Variants in TPP2 observed in about 807,000 individuals in gnomAD.
TPP2 encodes tripeptidyl-peptidase 2.
A neutral mutation model predicts 155.9 loss-of-function variants in TPP2; 34 were observed. That is an observed-to-expected ratio of 0.22 (90% CI 0.17 to 0.29). The LOEUF is 0.29. Among genes scored for constraint, TPP2 ranks in the 10% least tolerant of loss-of-function variants. The pLI, the probability that TPP2 is intolerant of heterozygous loss-of-function variation, is 1.00. For missense variants in TPP2, 1,028 were observed against 1,522.3 expected, an observed-to-expected ratio of 0.68 and a Z score of 5.40; for synonymous variants, 510 against 529.4, an observed-to-expected ratio of 0.96 and a Z score of 0.50.
At chr13:102,637,321 A>G (rs2139509528) in intron 14 of TPP2, 82 bp downstream of exon 14, 3 of 1,443,976 alleles carry the variant, frequency 2.1e-6, no homozygotes, top group South Asian at 1.3e-5. Context: ...TATATTTGCA[A>G]TATATTGCTT....
rs544631059 is a variant in TPP2 at position 102,673,917 on chromosome 13, A to T, written c.3372-366A>T. Among the ~76,000 whole-genome samples, 47 of 152,356 alleles carry T rather than the reference A, an allele frequency of 3.1e-4. 1 individual carries two copies. In the South Asian group the frequency reaches 9.5e-3, roughly 31 times the overall value. On this transcript the variant is annotated intron_variant, in intron 27 of 29. Transcript: ENST00000376052. ...AACCTCTGGGTATACACATAGACAA[A>T]TGTGTAATGATTACTATTTATAAGA...
chr13:102,631,043 G>A (rs1424528618), intron 10 of TPP2, among the ~76,000 whole-genome samples: 1 of 152,166 alleles, frequency 6.6e-6, no homozygotes, highest in Non-Finnish European at 1.5e-5. Context: ...TTAAAGGATG[G>A]ATAGGATGTT....
intron 24 of TPP2, among the ~76,000 whole-genome samples, chr13:102,652,397 CATATATATATATATATAT>C (rs10530428): frequency 1.3e-3 from 163 of 125,512 alleles, no homozygotes; most frequent in East Asian, 3.0e-3. Flanking sequence ...AACATACATA[CATATATATATATATATAT>C]ATATATATAT....
intron 2 of TPP2, chr13:102,607,797 G>C (rs925798358): frequency 6.7e-6 from 2 of 299,516 alleles, no homozygotes; most frequent in Admixed American, 7.0e-5. Flanking sequence ...TGCCATGTTG[G>C]CCAGGCTGGT....
rs751355256 is a variant in TPP2, at chr13:102,657,032, A to T, written c.2992-24A>T. The T allele has an allele frequency of 1.5e-5, 24 of 1,571,752 alleles. No individual in the cohort carries two copies. In the South Asian group the frequency reaches 2.5e-4, roughly 17 times the overall value. Reference sequence around the variant, plus strand: ...TATGTAAAATTAAGCATATTAATCTAAGAATCTCTCTCCACATTCGTAGGA... The same window carrying T: ...TATGTAAAATTAAGCATATTAATCTTAGAATCTCTCTCCACATTCGTAGGA... On this transcript the variant is annotated intron_variant, in intron 24 of 29. Coordinates refer to ENST00000376052, the MANE Select transcript of TPP2 (RefSeq NM_001330588.2).
At chr13:102,611,397 C>T (rs889051546) in intron 2 of TPP2, among the ~76,000 whole-genome samples, 31 of 152,234 alleles carry the variant, frequency 2.0e-4, no homozygotes, top group Non-Finnish European at 3.7e-4. Flanking sequence ...ATTTCCAGGC[C>T]GGGCACGGTG....
chr13:102,639,113 G>A (rs950497329), intron 15 of TPP2, among the ~76,000 whole-genome samples: 5 of 152,254 alleles, frequency 3.3e-5, no homozygotes, highest in Admixed American at 1.3e-4. Context: ...CACATTTTAC[G>A]TGCCCCTGGA....
At chr13:102,604,442 A>G (rs1007543829) in intron 1 of TPP2, among the ~76,000 whole-genome samples, 2 of 151,556 alleles carry the variant, frequency 1.3e-5, no homozygotes, top group Non-Finnish European at 2.9e-5. Flanking sequence ...CATGTTCTTT[A>G]TTTTACTTTG....
intron 27 of TPP2, 95 bp downstream of exon 27, chr13:102,665,020 G>A (rs1884497453): frequency 7.0e-7 from 1 of 1,435,006 alleles, no homozygotes. Context: ...TTGCTTTTCT[G>A]ATGTTTGTTA....
chr13:102,673,752 A>G (rs574177900), intron 27 of TPP2, among the ~76,000 whole-genome samples: 2 of 152,358 alleles, frequency 1.3e-5, no homozygotes, highest in South Asian at 4.1e-4. Context: ...GCAACATGGC[A>G]GTAATTAATA....
At chr13:102,631,520 T>C (rs1161941919) in intron 10 of TPP2, 4 of 152,258 alleles carry the variant, frequency 2.6e-5, no homozygotes, top group Non-Finnish European at 4.4e-5. Flanking sequence ...ATTAAACTTA[T>C]TCTCTTCTAA....
At chr13:102,650,784 A>G (rs1290873183) in intron 23 of TPP2, among the ~76,000 whole-genome samples, 5 of 152,214 alleles carry the variant, frequency 3.3e-5, no homozygotes, top group Admixed American at 3.3e-4. Context: ...CAATTGTGAA[A>G]TTAAATTATA....
chr13:102,639,847 C>G (rs1214919605), intron 15 of TPP2, among the ~76,000 whole-genome samples: 1 of 152,148 alleles, frequency 6.6e-6, no homozygotes, highest in African/African-American at 2.4e-5. Flanking sequence ...TGTTTTGAAG[C>G]TACAGGAGGA....
At chr13:102,644,306 G>C (rs1882956191) in intron 17 of TPP2, among the ~76,000 whole-genome samples, 1 of 152,104 alleles carries the variant, frequency 6.6e-6, no homozygotes, top group Admixed American at 6.5e-5. Context: ...TGTGCTTTCA[G>C]AAGCTGCCTA....
In TPP2 at chr13:102,663,064, A is replaced by G. The variant is rs189324355; in HGVS notation, c.3144-584A>G. ...TGGTATGTAAGAAAGCTATTGATGC[A>G]TATTTTTATTTGGATATCTTATTGA... On this transcript the variant is annotated intron_variant, in intron 25 of 29. Coordinates refer to ENST00000376052, the MANE Select transcript of TPP2 (RefSeq NM_001330588.2). Among the ~76,000 whole-genome samples the G allele has an allele frequency of 2.4e-3, 362 of 152,014 alleles. 3 individuals are homozygous for G. The highest frequency in any genetic ancestry group is 8.0e-3 in the African/African-American group (334 of 41,516).
intron 8 of TPP2, among the ~76,000 whole-genome samples, chr13:102,628,900 C>A (rs551877990): frequency 6.6e-5 from 10 of 152,288 alleles, no homozygotes; most frequent in African/African-American, 1.9e-4. Flanking sequence ...CTCACACTTA[C>A]AACTTTGAAG....
At chr13:102,618,657 G>A (rs1880927150) in intron 4 of TPP2, 65 bp from the exon 5 acceptor site, 1 of 1,561,046 alleles carries the variant, frequency 6.4e-7, no homozygotes, top group African/African-American at 1.4e-5. Context: ...ATCTTTGGCT[G>A]TATGTTAATA....
chr13:102,636,317 C>T lies in TPP2; in HGVS notation c.1603C>T (p.Leu535Phe). The part of the protein sequence containing the change: ...VTVGNNRGIY[L>F]RDPVQVAAPS... Reference sequence around the variant, plus strand: ...TGTTGGAAATAACCGTGGCATCTACCTCCGAGATCCTGTTCAGGTGGCTGC... The same window carrying T: ...TGTTGGAAATAACCGTGGCATCTACTTCCGAGATCCTGTTCAGGTGGCTGC... The change falls in exon 13 of 30, where the codon CTC becomes TTC. Residue 535 changes from leucine to phenylalanine, a missense_variant. Coordinates refer to ENST00000376052, the MANE Select transcript of TPP2 (RefSeq NM_001330588.2). The T allele has an allele frequency of 1.2e-6, 2 of 1,613,762 alleles. No homozygotes were observed. The highest frequency in any genetic ancestry group is 8.5e-7 in the Non-Finnish European group (1 of 1,179,886).
Position 102,647,348 on chromosome 13 carries a change from T to G in TPP2, c.2628+4T>G. The G allele has an allele frequency of 6.2e-7, 1 of 1,605,206 alleles. No homozygotes were observed. The highest frequency in any genetic ancestry group is 1.1e-5 in the South Asian group (1 of 88,462). ...AGGCGATGCCTATCCACATCAGGTA[T>G]AAAATTGATGGTGATTTTTAGAATT... On this transcript the variant is annotated splice_donor_region_variant and intron_variant, in intron 21 of 29. Transcript: ENST00000376052.
Sources: gnomAD v4.1 joint callset for allele counts (sites outside exome capture counted in the v4.1 genomes callset) on GRCh38, gnomAD v4.1.1 for gene constraint, MANE v1.5 for transcripts, NCBI Gene and HGNC (gene_info 2026-07-23, HGNC 2026-07-21) for gene names.